SPATA17: variants seen among roughly 807,000 people sequenced by gnomAD.
SPATA17 encodes the protein spermatogenesis associated 17, also known as spermatogenesis-associated protein 17.
SPATA17 carries 53 observed loss-of-function variants against 62.2 expected under a neutral mutation model. That is an observed-to-expected ratio of 0.85 (90% CI 0.68 to 1.07). The LOEUF (loss-of-function observed/expected upper bound fraction) is 1.07. Among genes scored for constraint, SPATA17 ranks in the 50% least tolerant of loss-of-function variants. The pLI is 0.00. For missense variants in SPATA17, 466 were observed against 425.5 expected, an observed-to-expected ratio of 1.10 and a Z score of -0.84; for synonymous variants, 146 against 146.8, an observed-to-expected ratio of 0.99 and a Z score of 0.04.
At chr1:217,671,829 GA>G (rs1169230280) in intron 4 of SPATA17, among the ~76,000 whole-genome samples, 1 of 152,176 alleles carries the variant, frequency 6.6e-6, no homozygotes, top group East Asian at 1.9e-4. Flanking sequence ...GTTACTATGG[GA>G]AATTTATAAT....
chr1:217,690,474 T>A (rs1165811972), intron 5 of SPATA17, among the ~76,000 whole-genome samples: 1 of 19,920 alleles, frequency 5.0e-5, no homozygotes, highest in Non-Finnish European at 1.0e-4. Context: ...TTATTTTTTA[T>A]TTTTTTTTTT....
At chr1:217,672,597 C>G (rs997112299) in intron 4 of SPATA17, among the ~76,000 whole-genome samples, 1 of 151,724 alleles carries the variant, frequency 6.6e-6, no homozygotes, top group South Asian at 2.1e-4. Context: ...TTATTTATAG[C>G]CTATCCATCC....
intron 7 of SPATA17, among the ~76,000 whole-genome samples, chr1:217,778,506 G>A (rs2102974609): frequency 6.6e-6 from 1 of 152,248 alleles, no homozygotes; most frequent in East Asian, 1.9e-4. Flanking sequence ...GGGTGAGAGA[G>A]CAAGACTCCA....
chr1:217,646,010 A>C, intron 1 of SPATA17, among the ~76,000 whole-genome samples: 1 of 152,034 alleles, frequency 6.6e-6, no homozygotes, highest in East Asian at 1.9e-4. Flanking sequence ...TTTTACTGTA[A>C]ATCTTTACAG....
At chr1:217,720,100 T>G (rs547311879) in intron 5 of SPATA17, among the ~76,000 whole-genome samples, 2 of 152,246 alleles carry the variant, frequency 1.3e-5, no homozygotes, top group African/African-American at 4.8e-5. Context: ...AGGGAAGGGG[T>G]AACACTTTCC....
At chr1:217,765,278 T>C (rs1269343795) in intron 6 of SPATA17, among the ~76,000 whole-genome samples, 3 of 151,822 alleles carry the variant, frequency 2.0e-5, no homozygotes, top group Non-Finnish European at 4.4e-5. Flanking sequence ...TATTTTGTGC[T>C]CCAATTTTTA....
At chr1:217,688,201 C>T (rs1671265672) in intron 5 of SPATA17, among the ~76,000 whole-genome samples, 1 of 152,118 alleles carries the variant, frequency 6.6e-6, no homozygotes, top group African/African-American at 2.4e-5. Flanking sequence ...TGTATTACTG[C>T]ATTCCAGCTG....
chr1:217,718,643 A>G (rs1454735970), intron 5 of SPATA17, among the ~76,000 whole-genome samples: 1 of 152,162 alleles, frequency 6.6e-6, no homozygotes, highest in Non-Finnish European at 1.5e-5. Context: ...AGCACAGCAA[A>G]GGTACCAGGG....
chr1:217,643,517 C>G (rs572327342), intron 1 of SPATA17, among the ~76,000 whole-genome samples: 3 of 152,200 alleles, frequency 2.0e-5, no homozygotes, highest in South Asian at 4.1e-4. Context: ...AGGCAGCCCC[C>G]ACTTGAGGAT....
chr1:217,849,135 A>G (rs1286449109), intron 9 of SPATA17, among the ~76,000 whole-genome samples: 1 of 152,014 alleles, frequency 6.6e-6, no homozygotes, highest in Non-Finnish European at 1.5e-5. Context: ...TTGTTTGTTT[A>G]CTTATCTCTC....
At chr1:217,816,690 A>G (rs148972002) in intron 9 of SPATA17, among the ~76,000 whole-genome samples, 8 of 152,200 alleles carry the variant, frequency 5.3e-5, no homozygotes, top group African/African-American at 1.7e-4. Flanking sequence ...TTGAAATATT[A>G]AGAAGTTACT....
intron 9 of SPATA17, among the ~76,000 whole-genome samples, chr1:217,808,346 TACACACACACAC>T (rs751346889): frequency 1.8e-5 from 2 of 109,016 alleles, no homozygotes; most frequent in East Asian, 2.3e-4. Context: ...AATTAAAAAA[TACACACACACAC>T]ACACACACAC....
chr1:217,730,136 C>A (rs1389677978), intron 5 of SPATA17, among the ~76,000 whole-genome samples: 1 of 151,888 alleles, frequency 6.6e-6, no homozygotes, highest in Non-Finnish European at 1.5e-5. Flanking sequence ...TTTTTTCTAG[C>A]ACTGATCCTG....
rs114253076 is a variant in SPATA17, at chr1:217,734,603, G to A, written c.396-7372G>A. Among the ~76,000 whole-genome samples, 453 of 152,198 alleles carry A rather than the reference G, an allele frequency of 3.0e-3. 1 individual carries two copies. The highest frequency in any genetic ancestry group is 7.3e-3 in the South Asian group (35 of 4,824). On this transcript the variant is annotated intron_variant, in intron 5 of 10. Transcript: ENST00000366933. ...GTAAAAAGTTGTTTAAATCCATTTC[G>A]TTAGAATTTTATTTTTTCTTAAAGA...
At chr1:217,737,159 G>C (rs1175477316) in intron 5 of SPATA17, among the ~76,000 whole-genome samples, 1 of 152,202 alleles carries the variant, frequency 6.6e-6, no homozygotes, top group African/African-American at 2.4e-5. Flanking sequence ...CTTTCTGGAT[G>C]TAGGAGTTTG....
intron 3 of SPATA17, among the ~76,000 whole-genome samples, chr1:217,657,277 G>A (rs1670466632): frequency 6.6e-6 from 1 of 152,170 alleles, no homozygotes; most frequent in South Asian, 2.1e-4. Flanking sequence ...CCTTTCAGAA[G>A]GCTAATGTTC....
chr1:217,863,405 C>T (rs1349274342), intron 10 of SPATA17, among the ~76,000 whole-genome samples: 2 of 152,124 alleles, frequency 1.3e-5, no homozygotes, highest in Non-Finnish European at 2.9e-5. Flanking sequence ...TGCCAGATTA[C>T]AGGCGTGAGC....
rs766117512 is a variant in SPATA17, at chr1:217,801,875, AG to A, written c.1005+26del. On this transcript the variant is annotated intron_variant, in intron 9 of 10. Coordinates refer to ENST00000366933, the MANE Select transcript of SPATA17 (RefSeq NM_138796.4). ...GGTGAGTTAACAAAACATTTTAAAAAGTTATTCCTTTTTAAAAGCTAGAAAT... is the reference window on the plus strand; with the variant it reads ...GGTGAGTTAACAAAACATTTTAAAAATTATTCCTTTTTAAAAGCTAGAAAT... The A allele has an allele frequency of 4.5e-5, 72 of 1,582,604 alleles. No homozygotes were observed. In the African/African-American group the frequency reaches 9.3e-4, roughly 20 times the overall value.
chr1:217,847,572 G>A (rs1385927824), intron 9 of SPATA17, among the ~76,000 whole-genome samples: 2 of 152,038 alleles, frequency 1.3e-5, no homozygotes, highest in African/African-American at 2.4e-5. Context: ...GAGGGGGTTG[G>A]TATTAAAGTA....
Sources: gnomAD v4.1 joint callset for allele counts (sites outside exome capture counted in the v4.1 genomes callset) on GRCh38, gnomAD v4.1.1 for gene constraint, MANE v1.5 for transcripts, NCBI Gene and HGNC (gene_info 2026-07-23, HGNC 2026-07-21) for gene names.